SLC24A2: variants seen among roughly 807,000 people sequenced by gnomAD.
The protein encoded by SLC24A2 is sodium/potassium/calcium exchanger 2.
A neutral mutation model predicts 62.0 loss-of-function variants in SLC24A2; 36 were observed. That is an observed-to-expected ratio of 0.58 (90% confidence interval 0.44 to 0.77). SLC24A2 has a LOEUF of 0.77. Among genes scored for constraint, SLC24A2 ranks in the 30% least tolerant of loss-of-function variants. The pLI, the probability that SLC24A2 is intolerant of heterozygous loss-of-function variation, is 0.00. For synonymous variants in SLC24A2, 358 were observed against 294.0 expected (o/e 1.22, Z -2.23); for missense variants, 846 against 817.9 (o/e 1.03, Z -0.42).
At position 19,516,256 on chromosome 9, in the gene SLC24A2, A is replaced by C. The variant is rs1412617579; in HGVS notation, c.1883T>G (p.Met628Arg). ...CATGATGAAGCCCAGGATTTTGTTC[A>C]TTCGCCACTTGCAGAGGGCGATAGA... ...ILSIALCKWR[M>R]NKILGFIMFG... Residue 628 changes from methionine (M) to arginine (R), a missense_variant, in exon 11 of 11, where the codon ATG becomes AGG. By Grantham distance (91) the Met-to-Arg change is moderately conservative. Transcript: ENST00000341998. 1 of 1,614,214 alleles carries C rather than the reference A, an allele frequency of 6.2e-7. No individual in the cohort carries two copies. Among genetic ancestry groups the C allele is most frequent in the African/African-American group, 1.3e-5 (1 of 75,056 alleles).
chr9:19,858,636 A>T, the SLC24A2 span, among the ~76,000 whole-genome samples: 2 of 152,200 alleles, frequency 1.3e-5, no homozygotes, highest in Admixed American at 6.5e-5. Flanking sequence ...TCATTTAAGG[A>T]ACTTAAATGA....
rs752321612 is a variant in SLC24A2 at position 19,553,884 on chromosome 9, T to C, written c.1348-3616A>G. Among the ~76,000 whole-genome samples the C allele has an allele frequency of 5.3e-5, 8 of 152,222 alleles. No individual in the cohort carries two copies. The South Asian group carries it at 1.0e-3, about 20-fold the overall frequency. On this transcript the variant is annotated intron_variant, in intron 7 of 10. Transcript: ENST00000341998. Reference sequence around the variant, plus strand: ...GCCGGTTAACGTGGCAAGAGACTACTGCTTGTCTTCCCGTATCTATTCTGC... The same window carrying C: ...GCCGGTTAACGTGGCAAGAGACTACCGCTTGTCTTCCCGTATCTATTCTGC...
At chr9:20,272,818 GC>G in the SLC24A2 span, among the ~76,000 whole-genome samples, 20 of 152,152 alleles carry the variant, frequency 1.3e-4, no homozygotes, top group Non-Finnish European at 2.1e-4. Context: ...ATTATCAGAG[GC>G]CCACTGAGAA....
intron 9 of SLC24A2, among the ~76,000 whole-genome samples, chr9:19,525,839 G>A (rs1427781420): frequency 2.1e-5 from 3 of 140,170 alleles, no homozygotes; most frequent in Non-Finnish European, 4.5e-5. Flanking sequence ...TTTCAAACAA[G>A]TTTATTGAGA....
intron 6 of SLC24A2, among the ~76,000 whole-genome samples, chr9:19,574,925 C>G (rs1418430054): frequency 6.6e-6 from 1 of 152,146 alleles, no homozygotes; most frequent in Admixed American, 6.5e-5. Flanking sequence ...ATTGTCAGAT[C>G]CGAGCAGTAT....
intron 2 of SLC24A2, chr9:19,705,323 A>G (rs1820479691): frequency 6.5e-6 from 1 of 153,848 alleles, no homozygotes; most frequent in Non-Finnish European, 1.5e-5. Flanking sequence ...GGGAAAGATC[A>G]ACTGGTCCCA....
the SLC24A2 span, among the ~76,000 whole-genome samples, chr9:20,068,851 C>A: frequency 6.6e-6 from 1 of 152,046 alleles, no homozygotes; most frequent in Non-Finnish European, 1.5e-5. Flanking sequence ...CTTCTCATGG[C>A]CCTACTCATT....
chr9:20,059,086 T>C, the SLC24A2 span, among the ~76,000 whole-genome samples: 1 of 152,206 alleles, frequency 6.6e-6, no homozygotes, highest in Non-Finnish European at 1.5e-5. Flanking sequence ...AGATGTCCAC[T>C]TCCTAATCCC....
chr9:20,218,088 G>A, the SLC24A2 span, among the ~76,000 whole-genome samples: 1 of 152,164 alleles, frequency 6.6e-6, no homozygotes, highest in African/African-American at 2.4e-5. Context: ...CCTGCAGAAA[G>A]GTAAAGACAT....
At chr9:19,779,987 G>A (rs1025414568) in intron 2 of SLC24A2, among the ~76,000 whole-genome samples, 1 of 151,990 alleles carries the variant, frequency 6.6e-6, no homozygotes, top group African/African-American at 2.4e-5. Flanking sequence ...GCGTGAACCC[G>A]GGAGGTGGAG....
At chr9:19,636,318 T>TCTTTTCCTTTCTTTCTTTTC (rs1554690366) in intron 2 of SLC24A2, among the ~76,000 whole-genome samples, 2 of 32,220 alleles carry the variant, frequency 6.2e-5, no homozygotes, top group Admixed American at 6.1e-4. Context: ...TCTTTTCTTT[T>TCTTTTCCTTTCTTTCTTTTC]CTTTCTTTCT....
chr9:19,517,959 T>TCACACACTCACACA (rs1209571410), intron 10 of SLC24A2, among the ~76,000 whole-genome samples: 2 of 132,716 alleles, frequency 1.5e-5, no homozygotes, highest in African/African-American at 2.8e-5. Context: ...ACACACACAC[T>TCACACACTCACACA]CTCACACTTC....
the SLC24A2 span, among the ~76,000 whole-genome samples, chr9:20,208,157 T>C: frequency 1.3e-5 from 2 of 152,122 alleles, no homozygotes; most frequent in African/African-American, 4.8e-5. Flanking sequence ...TGGTACCCCT[T>C]AGGAAATGTG....
intron 4 of SLC24A2, among the ~76,000 whole-genome samples, chr9:19,609,494 GGA>G: frequency 2.0e-5 from 3 of 152,322 alleles, no homozygotes; most frequent in Admixed American, 2.0e-4. Flanking sequence ...TTGGACACTA[GGA>G]CTGGGATTGA....
the SLC24A2 span, among the ~76,000 whole-genome samples, chr9:19,848,658 T>A: frequency 6.6e-6 from 1 of 152,218 alleles, no homozygotes; most frequent in African/African-American, 2.4e-5. Flanking sequence ...GTGAATAATT[T>A]AAAAATTTGC....
intron 4 of SLC24A2, among the ~76,000 whole-genome samples, chr9:19,600,769 C>A (rs1001459110): frequency 6.6e-6 from 1 of 152,106 alleles, no homozygotes; most frequent in Non-Finnish European, 1.5e-5. Context: ...TTTACATGCT[C>A]TGGATGATCA....
At chr9:20,144,053 A>G in the SLC24A2 span, among the ~76,000 whole-genome samples, 7 of 152,230 alleles carry the variant, frequency 4.6e-5, no homozygotes, top group Non-Finnish European at 1.0e-4. Context: ...GTAAAAATCC[A>G]GTACAACGGG....
the SLC24A2 span, among the ~76,000 whole-genome samples, chr9:20,035,689 C>T: frequency 4.6e-5 from 7 of 152,188 alleles, no homozygotes; most frequent in South Asian, 2.1e-4. Flanking sequence ...GAGCTCAGGA[C>T]GTCCAGGCTG....
chr9:19,510,435 C>CG lies in SLC24A2; in HGVS notation c.*5717_*5718insC, dbSNP rs1006783811. 1 of 86,630 alleles carries CG rather than the reference C, an allele frequency of 1.2e-5. No homozygotes were observed. Among genetic ancestry groups the CG allele is most frequent in the African/African-American group, 4.7e-5 (1 of 21,108 alleles). The allele number at this position is 86,630 out of a possible 1,614,324, so 5.4% of individuals were successfully genotyped here. Reference sequence around the variant, plus strand: ...GTGCCCAGATGCAGTTACTTTTTGCCAAAAAAAAAAAAAAAAAAAAAAAAA... The same window carrying CG: ...GTGCCCAGATGCAGTTACTTTTTGCCGAAAAAAAAAAAAAAAAAAAAAAAAA... On this transcript the variant is annotated 3_prime_UTR_variant, in exon 11 of 11. Transcript: ENST00000341998.
Sources: allele counts gnomAD v4.1 joint callset (sites outside exome capture counted in the v4.1 genomes callset), GRCh38; gene constraint gnomAD v4.1.1; transcripts MANE v1.5; gene names NCBI Gene and HGNC (gene_info 2026-07-23, HGNC 2026-07-21).